The following FBXO30 variants were observed in gnomAD, a reference collection of about 807,000 sequenced individuals.
FBXO30 encodes F-box only protein 30.
A neutral mutation model predicts 58.1 loss-of-function variants in FBXO30; 21 were observed. The observed-to-expected ratio is 0.36, with a 90% CI of 0.26 to 0.52. FBXO30 has a LOEUF of 0.52. Among genes scored for constraint, FBXO30 ranks in the 20% least tolerant of loss-of-function variants. The pLI, the probability that FBXO30 is intolerant of heterozygous loss-of-function variation, is 0.93. For synonymous variants in FBXO30, 309 were observed against 312.4 expected, an observed-to-expected ratio of 0.99 and a Z score of 0.11; for missense variants, 744 against 897.3, an observed-to-expected ratio of 0.83 and a Z score of 2.18.
rs1334185741 is a variant in FBXO30 at position 145,814,692 on chromosome 6, C to G, written c.-106G>C. The G allele has an allele frequency of 2.0e-5, 3 of 152,532 alleles. No individual in the cohort carries two copies. The highest frequency in any genetic ancestry group is 4.8e-5 in the African/African-American group (2 of 41,398). The allele number at this position is 152,532 out of a possible 1,614,324, so 9.4% of individuals were successfully genotyped here. ...GCTCTGTCCCGGCGACGCTCCGTAC[C>G]CCACACAGCCGTCCGAACCGCCTCC... On this transcript the variant is annotated 5_prime_UTR_variant, in exon 1 of 3. Coordinates refer to ENST00000237281, the MANE Select transcript of FBXO30 (RefSeq NM_032145.5).
chr6:145,810,306 G>C (rs1161186727), intron 1 of FBXO30, among the ~76,000 whole-genome samples: 2 of 152,048 alleles, frequency 1.3e-5, no homozygotes, highest in Non-Finnish European at 2.9e-5. Context: ...CTCAGCTTCA[G>C]AATTTAAAAC....
chr6:145,801,459 T>G (rs939766853), intron 2 of FBXO30, among the ~76,000 whole-genome samples: 2 of 151,878 alleles, frequency 1.3e-5, no homozygotes, highest in Non-Finnish European at 2.9e-5. Context: ...GTTAGTGTAT[T>G]TTATGTGTGG....
intron 2 of FBXO30, among the ~76,000 whole-genome samples, chr6:145,801,391 G>T (rs1028984389): frequency 1.3e-5 from 2 of 150,884 alleles, no homozygotes; most frequent in Non-Finnish European, 3.0e-5. Flanking sequence ...ATGAGATTTT[G>T]TGTGTGTGTG....
At position 145,800,131 on chromosome 6, in the gene FBXO30, C is replaced by A. The variant is rs780954833; in HGVS notation, c.2213G>T (p.Arg738Leu). 1.9e-6 allele frequency: 3 copies of A among 1,612,594 alleles called. No individual in the cohort carries two copies. The highest frequency in any genetic ancestry group is 2.5e-6 in the Non-Finnish European group (3 of 1,178,992). Reference protein sequence around the residue: ...RELTKEGRSLRSVLKPVL With the variant: ...RELTKEGRSLLSVLKPVL ...TTAAAGTACAGGTTTTAAAACTGAG[C>A]GTAGTGAACGTCCTTCTTTAGTGAG... The change falls in exon 3 of 3, where the codon CGC becomes CTC. Residue 738 changes from arginine (R) to leucine (L), a missense_variant. Arg to Leu is a moderately radical substitution (Grantham distance 102). Coordinates refer to ENST00000237281, the MANE Select transcript of FBXO30 (RefSeq NM_032145.5).
chr6:145,814,474 C>G (rs1778440288), intron 1 of FBXO30, 129 bp downstream of exon 1: 1 of 151,940 alleles, frequency 6.6e-6, no homozygotes, highest in Non-Finnish European at 1.5e-5. Flanking sequence ...AGGCCGGGCC[C>G]GTCAACCCCA....
chr6:145,811,138 T>C (rs951296690), intron 1 of FBXO30, among the ~76,000 whole-genome samples: 1 of 152,214 alleles, frequency 6.6e-6, no homozygotes, highest in African/African-American at 2.4e-5. Context: ...TTCATTCTTA[T>C]GTTCCCTACA....
intron 1 of FBXO30, among the ~76,000 whole-genome samples, chr6:145,810,641 A>G (rs570283481): frequency 6.6e-6 from 1 of 152,264 alleles, no homozygotes; most frequent in Non-Finnish European, 1.5e-5. Flanking sequence ...ATTCATTAAA[A>G]TAGTTCTAAG....
In FBXO30 at chr6:145,800,097, T is replaced by A. The variant is rs769473744; in HGVS notation, c.*9A>T. On this transcript the variant is annotated 3_prime_UTR_variant, in exon 3 of 3. Coordinates refer to ENST00000237281, the MANE Select transcript of FBXO30 (RefSeq NM_032145.5). Reference sequence around the variant, plus strand: ...TGCTTGCATATATGTGCTAGTAATATTACAACTTTTAAAGTACAGGTTTTA... The same window carrying A: ...TGCTTGCATATATGTGCTAGTAATAATACAACTTTTAAAGTACAGGTTTTA... 1.2e-6 allele frequency: 2 copies of A among 1,606,586 alleles called. No individual in the cohort carries two copies. The highest frequency in any genetic ancestry group is 4.5e-5 in the East Asian group (2 of 44,788).
chr6:145,799,085 T>TG lies in FBXO30; in HGVS notation c.*1020dup, dbSNP rs1283190876. On this transcript the variant is annotated 3_prime_UTR_variant, in exon 3 of 3. Coordinates refer to ENST00000237281, the MANE Select transcript of FBXO30 (RefSeq NM_032145.5). ...CTTACTTTCTTGGTGGTGAAGCCTA[T>TG]GGGAAATTAACTCGGAAATGTTTCA... 1 of 151,904 alleles carries TG rather than the reference T, an allele frequency of 6.6e-6. No homozygotes were observed. Among genetic ancestry groups the TG allele is most frequent in the African/African-American group, 2.4e-5 (1 of 41,376 alleles). The allele number at this position is 151,904 out of a possible 1,614,324, so 9.4% of individuals were successfully genotyped here. A position where few individuals can be genotyped will look rare whatever the true frequency, so the allele number is the denominator to read the frequency against.
At chr6:145,802,342 C>T (rs774312607) in intron 2 of FBXO30, among the ~76,000 whole-genome samples, 1 of 152,110 alleles carries the variant, frequency 6.6e-6, no homozygotes, top group Non-Finnish European at 1.5e-5. Context: ...TAATTAACCT[C>T]TGTTTCTTTG....
At chr6:145,812,477 T>C (rs956342555) in intron 1 of FBXO30, among the ~76,000 whole-genome samples, 3 of 152,122 alleles carry the variant, frequency 2.0e-5, no homozygotes, top group African/African-American at 7.2e-5. Context: ...CATGAGGGAA[T>C]GGGCTTCCAA....
rs765469731 is a variant in FBXO30 at position 145,796,165 on chromosome 6, C to T, written c.*3941G>A. 1.3e-5 allele frequency: 2 copies of T among 151,904 alleles called. No homozygotes were observed. Among genetic ancestry groups the T allele is most frequent in the Non-Finnish European group, 2.9e-5 (2 of 67,852 alleles). The allele number at this position is 151,904 out of a possible 1,614,324, so 9.4% of individuals were successfully genotyped here. On this transcript the variant is annotated 3_prime_UTR_variant, in exon 3 of 3. Transcript: ENST00000237281. ...TACCTATTTTCTCATCCATAAAATTCAAATTTGAAAGGTTTTATCTCTTGA... is the reference window on the plus strand; with the variant it reads ...TACCTATTTTCTCATCCATAAAATTTAAATTTGAAAGGTTTTATCTCTTGA...
chr6:145,804,524 G>A lies in FBXO30; in HGVS notation c.1882C>T (p.Leu628Phe). The A allele has an allele frequency of 6.2e-7, 1 of 1,613,720 alleles. No individual in the cohort carries two copies. The highest frequency in any genetic ancestry group is 8.5e-7 in the Non-Finnish European group (1 of 1,179,812). ...AGCTGACATAAGCTGAAGCCATCGA[G>A]AAAGCCTGCAATATGCTGCAGGACC... is the stretch of plus-strand genomic sequence containing the variant. ...FEVLQHIAGF[L>F]DGFSLCQLSC... The change falls in exon 2 of 3, where the codon CTC (leucine) becomes TTC (phenylalanine). Residue 628 changes from leucine to phenylalanine, a missense_variant. This residue lies in a region of FBXO30 where 334 missense variants were observed against 433.7 expected (regional missense o/e 0.77). Coordinates refer to ENST00000237281, the MANE Select transcript of FBXO30 (RefSeq NM_032145.5).
At position 145,814,288 on chromosome 6, in the gene FBXO30, T is replaced by TG. The variant is rs1020934865; in HGVS notation, c.-17+314dup. On this transcript the variant is annotated intron_variant, in intron 1 of 2. Transcript: ENST00000237281. ...CTTCCCAATACAAAGACACACAAACTGGGGGGGACACGGAGGTCGGTGCCC... is the reference window on the plus strand; with the variant it reads ...CTTCCCAATACAAAGACACACAAACTGGGGGGGGACACGGAGGTCGGTGCCC... Among the ~76,000 whole-genome samples the TG allele has an allele frequency of 1.8e-4, 27 of 151,988 alleles. 1 individual carries two copies. The highest frequency in any genetic ancestry group is 4.3e-4 in the African/African-American group (18 of 41,406).
Position 145,806,503 on chromosome 6 carries a change from ATT to A in FBXO30, c.-16-84_-16-83del, listed in dbSNP as rs368500143. On this transcript the variant is annotated intron_variant, in intron 1 of 2. Coordinates refer to ENST00000237281, the MANE Select transcript of FBXO30 (RefSeq NM_032145.5). ...AAATTGTTTAATAATTAAATCACTA[ATT>A]TATCTAATATCTTGGTTTATTTTAG... 3.6e-5 allele frequency: 35 copies of A among 985,738 alleles called. No individual in the cohort carries two copies. The African/African-American group carries it at 5.4e-4, about 15-fold the overall frequency. 61.1% of individuals were successfully genotyped at this position (985,738 alleles called of 1,614,324 possible).
In FBXO30 at chr6:145,805,375, C is replaced by A. The variant is rs1203068098; in HGVS notation, c.1031G>T (p.Ser344Ile). The A allele has an allele frequency of 1.9e-5, 30 of 1,613,940 alleles. No homozygotes were observed. The highest frequency in any genetic ancestry group is 2.5e-5 in the Non-Finnish European group (30 of 1,179,984). The change falls in exon 2 of 3, where the codon AGT becomes ATT. Residue 344 changes from serine to isoleucine, a missense_variant. By Grantham distance (142) the Ser-to-Ile change is moderately radical. Around this residue, in one of 3 missense-constraint regions of FBXO30, gnomAD observed 275 missense variants for 262.0 expected, o/e 1.05. Transcript: ENST00000237281. ...AAQLREIIPS[S>I]ALPNGTVQHI... ...CTGAACTGTGCCATTAGGCAAAGCA[C>A]TGGATGGTATTATTTCCCTAAGTTG...
At chr6:145,809,258 C>T (rs1778269282) in intron 1 of FBXO30, among the ~76,000 whole-genome samples, 1 of 152,134 alleles carries the variant, frequency 6.6e-6, no homozygotes, top group South Asian at 2.1e-4. Context: ...AGAATTATGA[C>T]AAATCTTACT....
chr6:145,797,244 T>C lies in FBXO30; in HGVS notation c.*2862A>G, dbSNP rs571440798. The C allele has an allele frequency of 6.6e-6, 1 of 152,130 alleles. No homozygotes were observed. Among genetic ancestry groups the C allele is most frequent in the Non-Finnish European group, 1.5e-5 (1 of 67,930 alleles). The allele number at this position is 152,130 out of a possible 1,614,324, so 9.4% of individuals were successfully genotyped here. Reference sequence around the variant, plus strand: ...TTTTAAATACTAGTAAATACTAATTTAAAGAATACAAGTCCAACAACTACA... The same window carrying C: ...TTTTAAATACTAGTAAATACTAATTCAAAGAATACAAGTCCAACAACTACA... On this transcript the variant is annotated 3_prime_UTR_variant, in exon 3 of 3. Transcript: ENST00000237281.
intron 1 of FBXO30, among the ~76,000 whole-genome samples, chr6:145,813,644 T>A (rs1778397675): frequency 1.3e-5 from 2 of 151,400 alleles, no homozygotes; most frequent in Admixed American, 6.6e-5. Flanking sequence ...GTATTGAAAT[T>A]TAGCAAATGG....
Sources: gnomAD v4.1 joint callset for allele counts (sites outside exome capture counted in the v4.1 genomes callset) on GRCh38, gnomAD v4.1.1 for gene constraint, gnomAD v4.1.1 regional missense constraint, MANE v1.5 for transcripts, NCBI Gene and HGNC (gene_info 2026-07-23, HGNC 2026-07-21) for gene names.